The following SYT3 variants were observed in gnomAD, a reference collection of about 807,000 sequenced individuals.
The protein encoded by SYT3 is synaptotagmin 3.
SYT3 carries 25 observed loss-of-function variants against 50.6 expected under a neutral mutation model. The observed-to-expected ratio is 0.49, with a 90% CI of 0.36 to 0.69. The LOEUF (loss-of-function observed/expected upper bound fraction) is 0.69. SYT3 is among the 30% of genes least tolerant of loss of function. The pLI is 0.00. For missense variants in SYT3, 589 were observed against 793.6 expected (o/e 0.74, Z 3.10); for synonymous variants, 323 against 353.9 (o/e 0.91, Z 0.98).
Position 50,629,943 on chromosome 19 carries a change from G to A in SYT3, c.903C>T (p.Gly301=), listed in dbSNP as rs1392506413. The A allele has an allele frequency of 6.2e-7, 1 of 1,613,784 alleles. No individual in the cohort carries two copies. Among genetic ancestry groups the A allele is most frequent in the African/African-American group, 1.3e-5 (1 of 74,900 alleles). The change falls in exon 5 of 11, where the codon GGC becomes GGT. Residue 301 remains glycine, a synonymous_variant. Coordinates refer to ENST00000600079, the MANE Select transcript of SYT3 (RefSeq NM_001160329.2). Reference sequence around the variant, plus strand: ...GGTACCGCAGGGCGAAGCTGATACGGCCACAGGGTGCCCCTGTGCCTGCCT... The same window carrying A: ...GGTACCGCAGGGCGAAGCTGATACGACCACAGGGTGCCCCTGTGCCTGCCT... ...SGEAGTGAPC[G]RISFALRYLY...
upstream of SYT3, among the ~76,000 whole-genome samples, chr19:50,641,521 T>C (rs1001363111): frequency 6.6e-6 from 1 of 150,454 alleles, no homozygotes; most frequent in Non-Finnish European, 1.5e-5. Flanking sequence ...CTGCATTCCA[T>C]CCAGCCTGGG....
Position 50,637,159 on chromosome 19 carries a change from A to C in SYT3, c.148+105T>G. 7.2e-7 allele frequency: 1 copy of C among 1,384,518 alleles called. No homozygotes were observed. The highest frequency in any genetic ancestry group is 1.4e-5 in the African/African-American group (1 of 70,834). 85.8% of individuals were successfully genotyped at this position (1,384,518 alleles called of 1,614,324 possible). On this transcript the variant is annotated intron_variant, in intron 3 of 10. Coordinates refer to ENST00000600079, the MANE Select transcript of SYT3 (RefSeq NM_001160329.2). This position sits in a 1 kb window ranked among gnomAD's most constrained non-coding sequence, Gnocchi z 4.9. ...GCAGGCAGAATGGGGGCAAGACGCT[A>C]CGAGGGACTGACCCCACAAGCAATG...
At position 50,625,780 on chromosome 19, in the gene SYT3, G is replaced by T; in HGVS notation, c.1402+117C>A. The T allele has an allele frequency of 1.8e-6, 1 of 561,808 alleles. No individual in the cohort carries two copies. The highest frequency in any genetic ancestry group is 3.0e-6 in the Non-Finnish European group (1 of 330,366). The allele number at this position is 561,808 out of a possible 1,614,324, so 34.8% of individuals were successfully genotyped here. ...GGCCCCTCCTCCCTCAGACCCAGGA[G>T]TCCAGATCCCCAGCTCCTCCTCCCT... is the stretch of plus-strand genomic sequence containing the variant. On this transcript the variant is annotated intron_variant, in intron 7 of 10. Transcript: ENST00000600079. This position sits in a 1 kb window ranked among gnomAD's most constrained non-coding sequence, Gnocchi z 7.5.
chr19:50,653,950 G>A, the SYT3 span, among the ~76,000 whole-genome samples: 2 of 152,006 alleles, frequency 1.3e-5, no homozygotes, highest in South Asian at 2.1e-4. Flanking sequence ...AAAAGCAGCC[G>A]TCGGCTCTGA....
intron 6 of SYT3, chr19:50,626,274 A>G (rs1984058535): frequency 4.5e-6 from 2 of 439,938 alleles, no homozygotes; most frequent in Non-Finnish European, 8.2e-6. Context: ...GAGGGGAGAG[A>G]CAGAGAAGGT....
chr19:50,624,215 T>C (rs909945031), intron 9 of SYT3, among the ~76,000 whole-genome samples: 3 of 152,330 alleles, frequency 2.0e-5, no homozygotes, highest in African/African-American at 7.2e-5. Context: ...TCCACCCACC[T>C]TGGCCTCCCA....
chr19:50,644,439 T>C (rs112057826), upstream of SYT3, among the ~76,000 whole-genome samples: 2,589 of 151,880 alleles, frequency 0.017, 38 homozygotes, highest in South Asian at 0.031. Context: ...ACTGCAGAAA[T>C]AGATGAAGGG....
At chr19:50,634,305 G>A (rs1044662777) in intron 3 of SYT3, among the ~76,000 whole-genome samples, 6 of 152,200 alleles carry the variant, frequency 3.9e-5, no homozygotes, top group African/African-American at 7.2e-5. Context: ...GGCCATTGCC[G>A]GCAAGGACAG....
At chr19:50,636,862 T>C (rs2123021563) in intron 3 of SYT3, among the ~76,000 whole-genome samples, 1 of 152,274 alleles carries the variant, frequency 6.6e-6, no homozygotes, top group Admixed American at 6.5e-5. Flanking sequence ...AGCATCCCTT[T>C]TATTATCCCC....
chr19:50,649,628 T>C, the SYT3 span: 1 of 1,116,692 alleles, frequency 9.0e-7, no homozygotes, highest in Non-Finnish European at 1.3e-6. Flanking sequence ...GTGAAAGCCA[T>C]CCCTAGCATT....
rs1374895983 is a variant in SYT3, at chr19:50,637,176, C to T, written c.148+88G>A. 7 of 1,509,410 alleles carry T rather than the reference C, an allele frequency of 4.6e-6. No individual in the cohort carries two copies. The African/African-American group carries it at 6.8e-5, about 15-fold the overall frequency. The allele number at this position is 1,509,410 out of a possible 1,614,324, so 93.5% of individuals were successfully genotyped here. On this transcript the variant is annotated intron_variant, in intron 3 of 10. Coordinates refer to ENST00000600079, the MANE Select transcript of SYT3 (RefSeq NM_001160329.2). The surrounding 1 kb of genome is among the most constrained non-coding windows in gnomAD (Gnocchi z 4.9). The stretch of plus-strand genomic sequence containing the variant: ...AAGACGCTACGAGGGACTGACCCCA[C>T]AAGCAATGGAAAGCTGAGCAGTTCT...
At position 50,632,035 on chromosome 19, in the gene SYT3, C is replaced by T. The variant is rs1984325292; in HGVS notation, c.674+251G>A. Among the ~76,000 whole-genome samples the T allele has an allele frequency of 6.6e-6, 1 of 152,090 alleles. No individual in the cohort carries two copies. Among genetic ancestry groups the T allele is most frequent in the Non-Finnish European group, 1.5e-5 (1 of 68,004 alleles). On this transcript the variant is annotated intron_variant, in intron 4 of 10. Coordinates refer to ENST00000600079, the MANE Select transcript of SYT3 (RefSeq NM_001160329.2). This position sits in a 1 kb window ranked among gnomAD's most constrained non-coding sequence, Gnocchi z 4.7. ...CTGTCCTAAGTCCTGCCCCCAGTCTCCTCCCTCTGGACCCAGGAATTCAGG... is the reference window on the plus strand; with the variant it reads ...CTGTCCTAAGTCCTGCCCCCAGTCTTCTCCCTCTGGACCCAGGAATTCAGG...
chr19:50,646,164 C>G, the SYT3 span, among the ~76,000 whole-genome samples: 1 of 152,110 alleles, frequency 6.6e-6, no homozygotes. Flanking sequence ...CTCCTTGGTG[C>G]CTGGCTCCGA....
chr19:50,658,003 T>C, the SYT3 span: 484 of 1,531,892 alleles, frequency 3.2e-4, 5 homozygotes, highest in East Asian at 0.012. Flanking sequence ...AGGAGGATTT[T>C]ACCCACCTGG....
chr19:50,627,408 G>GA (rs1172875392), intron 6 of SYT3, among the ~76,000 whole-genome samples: 3 of 152,114 alleles, frequency 2.0e-5, no homozygotes, highest in East Asian at 3.9e-4. Context: ...CCCTGCTCCT[G>GA]AAAAAAACAG....
the SYT3 span, among the ~76,000 whole-genome samples, chr19:50,657,680 C>G: frequency 6.6e-6 from 1 of 152,180 alleles, no homozygotes; most frequent in Non-Finnish European, 1.5e-5. Context: ...TTGGTAGATT[C>G]GTAAAGTTGG....
chr19:50,630,156 G>A lies in SYT3; in HGVS notation c.690C>T (p.Pro230=). 2 of 1,565,118 alleles carry A rather than the reference G, an allele frequency of 1.3e-6. No homozygotes were observed. Among genetic ancestry groups the A allele is most frequent in the Non-Finnish European group, 1.7e-6 (2 of 1,156,198 alleles). Residue 230 remains proline, a synonymous_variant, in exon 5 of 11, where the codon CCC becomes CCT. Transcript: ENST00000600079. ...LAPTTRYPAL[P]RPLTQQTLTS... Reference sequence around the variant, plus strand: ...TCAGAGTCTGCTGGGTGAGGGGTCGGGGCAGGGCTGGGTACCTGTAGGGGG... The same window carrying A: ...TCAGAGTCTGCTGGGTGAGGGGTCGAGGCAGGGCTGGGTACCTGTAGGGGG...
the SYT3 span, among the ~76,000 whole-genome samples, chr19:50,653,820 G>A: frequency 3.3e-5 from 5 of 151,836 alleles, no homozygotes; most frequent in Admixed American, 6.6e-5. Context: ...GAGGGTTCAC[G>A]GGGGTGGGGC....
rs762108460 is a variant in SYT3 at position 50,632,505 on chromosome 19, C to T, written c.455G>A (p.Gly152Glu). Residue 152 changes from glycine to glutamate, a missense_variant, in exon 4 of 11, where the codon GGG (glycine) becomes GAG (glutamate). Physicochemically the swap from Gly to Glu is moderately conservative, Grantham distance 98. Coordinates refer to ENST00000600079, the MANE Select transcript of SYT3 (RefSeq NM_001160329.2). The surrounding 1 kb of genome is among the most constrained non-coding windows in gnomAD (Gnocchi z 4.7). ...GGAGGGCTCAGGGGTGTCAGAACCC[C>T]CCAGGCTGCCTGGCTCCAGCAGCTC... ...FAELLEPGSL[G>E]GSDTPEPSYL... 6.2e-7 allele frequency: 1 copy of T among 1,611,386 alleles called. No homozygotes were observed. The highest frequency in any genetic ancestry group is 1.1e-5 in the South Asian group (1 of 90,978).
Sources: allele counts gnomAD v4.1 joint callset (sites outside exome capture counted in the v4.1 genomes callset), GRCh38; gene constraint gnomAD v4.1.1; non-coding constraint Gnocchi (gnomAD v3.1); transcripts MANE v1.5; gene names NCBI Gene and HGNC (gene_info 2026-07-23, HGNC 2026-07-21).